The following RNH1 variants were observed in gnomAD, a reference collection of about 807,000 sequenced individuals.
RNH1 encodes the protein ribonuclease inhibitor.
A neutral mutation model predicts 46.1 loss-of-function variants in RNH1; 38 were observed. The ratio of observed to expected loss-of-function variants is 0.82; its 90% CI spans 0.64 to 1.08. The LOEUF is 1.08. Ranked by LOEUF, RNH1 falls within the 50% of genes least tolerant of loss-of-function variation. RNH1 has a pLI of 0.00. For synonymous variants in RNH1, 319 were observed against 279.1 expected (o/e 1.14, Z -1.43); for missense variants, 577 against 590.7 (o/e 0.98, Z 0.24).
At chr11:500,845 G>A (rs145323000) in intron 3 of RNH1, 191 bp from the exon 4 acceptor site, 181 of 749,164 alleles carry the variant, frequency 2.4e-4, no homozygotes, top group African/African-American at 2.1e-3. Flanking sequence ...ATGCTCGCAC[G>A]TGGCCAGGCG....
chr11:497,734 C>T (rs535943216), intron 9 of RNH1, among the ~76,000 whole-genome samples: 10 of 150,306 alleles, frequency 6.7e-5, no homozygotes, highest in African/African-American at 1.9e-4. Context: ...TGCTCACACA[C>T]GGACCCTCGT....
chr11:496,317 TGAG>T (rs1474655719), intron 9 of RNH1, among the ~76,000 whole-genome samples: 1 of 151,914 alleles, frequency 6.6e-6, no homozygotes, highest in Non-Finnish European at 1.5e-5. Flanking sequence ...GCTCATCACT[TGAG>T]GTCAATAGTT....
At chr11:500,279 G>A (rs762091552) in intron 4 of RNH1, 31 of 701,210 alleles carry the variant, frequency 4.4e-5, no homozygotes, top group Non-Finnish European at 6.5e-5. Flanking sequence ...TCTTGGGTGC[G>A]GGGGCTGGGA....
chr11:494,735 G>A lies in RNH1; in HGVS notation c.1342C>T (p.Gln448Ter), dbSNP rs1324540084. 2 of 1,613,956 alleles carry A rather than the reference G, an allele frequency of 1.2e-6. No homozygotes were observed. Among genetic ancestry groups the A allele is most frequent in the Non-Finnish European group, 1.7e-6 (2 of 1,179,986 alleles). Residue 448 changes from glutamine (Q) to a stop codon, truncating the protein, a stop_gained, in exon 11 of 11, where the codon CAG (glutamine) becomes TAG (stop). Coordinates refer to ENST00000354420, the MANE Select transcript of RNH1 (RefSeq NM_203387.3). LOFTEE classifies it high-confidence loss of function. ...YWSEEMEDRL[Q>*]ALEKDKPSLR... ...GATGGCTTGTCCTTCTCCAGGGCCT[G>A]CAGCCGGTCCTCCATCTCCTCAGAC...
chr11:500,306 C>G (rs1385194708), intron 4 of RNH1, 178 bp downstream of exon 4: 1 of 791,148 alleles, frequency 1.3e-6, no homozygotes, highest in Non-Finnish European at 2.0e-6. Flanking sequence ...AGGAAGGGCC[C>G]TGTCCCCCCC....
rs774846933 is a variant in RNH1, at chr11:494,657, C to A, written c.*34G>T. On this transcript the variant is annotated 3_prime_UTR_variant, in exon 11 of 11. Coordinates refer to ENST00000354420, the MANE Select transcript of RNH1 (RefSeq NM_203387.3). ...GTGGGCCCCAGGGTTGCCTCGAGGCCGGTCGTCCAGGGAGAGCAGCAGCAG... is the reference window on the plus strand; with the variant it reads ...GTGGGCCCCAGGGTTGCCTCGAGGCAGGTCGTCCAGGGAGAGCAGCAGCAG... The A allele has an allele frequency of 6.2e-7, 1 of 1,603,720 alleles. No homozygotes were observed. Among genetic ancestry groups the A allele is most frequent in the Admixed American group, 1.7e-5 (1 of 59,598 alleles).
intron 1 of RNH1, chr11:505,652 G>C (rs1850200972): frequency 1.3e-5 from 2 of 152,198 alleles, no homozygotes; most frequent in Non-Finnish European, 2.9e-5. Context: ...TCCTCTTCCA[G>C]GGCTCAAGTG....
intron 9 of RNH1, among the ~76,000 whole-genome samples, chr11:495,440 G>C (rs528762615): frequency 3.3e-5 from 5 of 152,182 alleles, no homozygotes; most frequent in African/African-American, 1.2e-4. Flanking sequence ...GGGTATGGAG[G>C]GTACCAAGAC....
Position 502,044 on chromosome 11 carries a change from C to A in RNH1, c.101+18G>T. 1 of 1,600,550 alleles carries A rather than the reference C, an allele frequency of 6.2e-7. No homozygotes were observed. The highest frequency in any genetic ancestry group is 8.5e-7 in the Non-Finnish European group (1 of 1,173,404). On this transcript the variant is annotated intron_variant, in intron 3 of 10. Coordinates refer to ENST00000354420, the MANE Select transcript of RNH1 (RefSeq NM_203387.3). This position sits in a 1 kb window ranked among gnomAD's most constrained non-coding sequence, Gnocchi z 5.8. ...CTGCCCCACCAGCACCCCAAGGCCACCCCGAGAGCAAGCGTACCTGACCAC... is the reference window on the plus strand; with the variant it reads ...CTGCCCCACCAGCACCCCAAGGCCAACCCGAGAGCAAGCGTACCTGACCAC...
chr11:502,409 A>C lies in RNH1; in HGVS notation c.-87-160T>G. On this transcript the variant is annotated intron_variant, in intron 2 of 10. Transcript: ENST00000354420. This position sits in a 1 kb window ranked among gnomAD's most constrained non-coding sequence, Gnocchi z 5.8. ...AGCACCCACCCCCAGAAAGGCCACCATGGGCAGCAGAGCTTGGGTAATGCA... is the reference window on the plus strand; with the variant it reads ...AGCACCCACCCCCAGAAAGGCCACCCTGGGCAGCAGAGCTTGGGTAATGCA... 2 of 565,798 alleles carry C rather than the reference A, an allele frequency of 3.5e-6. No individual in the cohort carries two copies. The highest frequency in any genetic ancestry group is 6.4e-6 in the Non-Finnish European group (2 of 314,668). 35.0% of individuals were successfully genotyped at this position (565,798 alleles called of 1,614,324 possible).
At chr11:496,631 T>C (rs781536726) in intron 9 of RNH1, among the ~76,000 whole-genome samples, 11 of 152,080 alleles carry the variant, frequency 7.2e-5, no homozygotes, top group African/African-American at 1.2e-4. Flanking sequence ...ATCGCACCAC[T>C]GCACTCCAGC....
At chr11:500,264 C>T in intron 4 of RNH1, 1 of 679,476 alleles carries the variant, frequency 1.5e-6, no homozygotes, top group Non-Finnish European at 2.4e-6. Flanking sequence ...GCGGGCAGGG[C>T]CAGATCTTGG....
At chr11:499,754 C>T (rs538942169) in intron 5 of RNH1, 75 bp downstream of exon 5, 118 of 1,547,832 alleles carry the variant, frequency 7.6e-5, no homozygotes, top group South Asian at 5.2e-4. Flanking sequence ...TCCTGGCAGG[C>T]GATGTTCTAT....
At position 502,013 on chromosome 11, in the gene RNH1, G is replaced by T; in HGVS notation, c.101+49C>A. 7.1e-7 allele frequency: 1 copy of T among 1,408,744 alleles called. No homozygotes were observed. Among genetic ancestry groups the T allele is most frequent in the Non-Finnish European group, 9.9e-7 (1 of 1,013,848 alleles). 87.3% of individuals were successfully genotyped at this position (1,408,744 alleles called of 1,614,324 possible). A position where few individuals can be genotyped will look rare whatever the true frequency, so the allele number is the denominator to read the frequency against. ...CACCCTTCAGAGGGAGCCGCCACCCGCCAGCCTGCCCCACCAGCACCCCAA... is the reference window on the plus strand; with the variant it reads ...CACCCTTCAGAGGGAGCCGCCACCCTCCAGCCTGCCCCACCAGCACCCCAA... On this transcript the variant is annotated intron_variant, in intron 3 of 10. Transcript: ENST00000354420. The surrounding 1 kb of genome is among the most constrained non-coding windows in gnomAD (Gnocchi z 5.8).
At chr11:504,771 C>G (rs1264317647) in intron 2 of RNH1, 53 bp downstream of exon 2, 1 of 152,340 alleles carries the variant, frequency 6.6e-6, no homozygotes, top group Non-Finnish European at 1.5e-5. Flanking sequence ...CCTGCCTCCT[C>G]CCACAAGCAG....
Position 500,598 on chromosome 11 carries a change from C to T in RNH1, c.158G>A (p.Arg53Gln), listed in dbSNP as rs761187001. ...GAGCTCTGCCAGTGCAGGGTTGACT[C>T]GAAGTGCAGAGCTGATGTCCTTGCA... ...ARCKDISSAL[R>Q]VNPALAELNL... is the part of the protein sequence containing the mutation. Residue 53 changes from arginine (R) to glutamine (Q), a missense_variant, in exon 4 of 11, where the codon CGA (arginine) becomes CAA (glutamine). Arg to Gln is a conservative substitution (Grantham distance 43). Transcript: ENST00000354420. 7.5e-6 allele frequency: 12 copies of T among 1,609,988 alleles called. No homozygotes were observed. In the East Asian group the frequency reaches 1.1e-4, roughly 15 times the overall value.
Position 494,639 on chromosome 11 carries a change from C to A in RNH1, c.*52G>T. The A allele has an allele frequency of 1.3e-6, 2 of 1,549,294 alleles. No individual in the cohort carries two copies. The highest frequency in any genetic ancestry group is 1.8e-6 in the Non-Finnish European group (2 of 1,123,332). ...AGAGCATGGCAGGGGCTGGTGGGCC[C>A]CAGGGTTGCCTCGAGGCCGGTCGTC... On this transcript the variant is annotated 3_prime_UTR_variant, in exon 11 of 11. Coordinates refer to ENST00000354420, the MANE Select transcript of RNH1 (RefSeq NM_203387.3).
At chr11:499,593 A>C in intron 5 of RNH1, 1 of 716,460 alleles carries the variant, frequency 1.4e-6, no homozygotes, top group Non-Finnish European at 2.5e-6. Context: ...GTGCCTTGCA[A>C]AGGACAACTG....
At chr11:500,126 G>A (rs959574030) in intron 4 of RNH1, 127 bp from the exon 5 acceptor site, 27 of 1,136,908 alleles carry the variant, frequency 2.4e-5, no homozygotes, top group Middle Eastern at 3.0e-4. Flanking sequence ...TTCCCTGGAC[G>A]GGGCTCTGGG....
Sources: gnomAD v4.1 joint callset for allele counts (sites outside exome capture counted in the v4.1 genomes callset) on GRCh38, gnomAD v4.1.1 for gene constraint, Gnocchi (gnomAD v3.1) non-coding constraint, MANE v1.5 for transcripts, NCBI Gene and HGNC (gene_info 2026-07-23, HGNC 2026-07-21) for gene names.